SATL1: variants seen among roughly 807,000 people sequenced by gnomAD.
SATL1 encodes the protein spermidine/spermine N1-acetyl transferase like 1.
Under a neutral mutation model 51.8 loss-of-function variants are expected in SATL1, and 47 were observed. That is an observed-to-expected ratio of 0.91 (90% confidence interval 0.72 to 1.16). SATL1 has a LOEUF of 1.16. Ranked by LOEUF, SATL1 falls within the 50% of genes most tolerant of loss-of-function variation. The pLI, the probability that SATL1 is intolerant of heterozygous loss-of-function variation, is 0.00. For missense variants in SATL1, 520 were observed against 526.4 expected, an observed-to-expected ratio of 0.99 and a Z score of 0.12; for synonymous variants, 176 against 182.4, an observed-to-expected ratio of 0.97 and a Z score of 0.28.
intron 2 of SATL1, among the ~76,000 whole-genome samples, chrX:85,140,465 A>G (rs1926082453): frequency 8.9e-6 from 1 of 112,183 alleles, no homozygotes; most frequent in Non-Finnish European, 1.9e-5. Flanking sequence ...AGCAAGTGGC[A>G]GAATTAAGGT....
At chrX:85,224,607 G>A (rs920999244) in intron 1 of SATL1, among the ~76,000 whole-genome samples, 11 of 109,549 alleles carry the variant, frequency 1.0e-4, no homozygotes, top group African/African-American at 2.3e-4. Context: ...CTTTTTTACA[G>A]ACTCCATTGC....
chrX:85,149,782 A>G (rs1183894033), intron 2 of SATL1, among the ~76,000 whole-genome samples: 4 of 112,007 alleles, frequency 3.6e-5, no homozygotes, highest in Non-Finnish European at 7.5e-5. Flanking sequence ...CAAAGACACA[A>G]CATACCAGAA....
intron 2 of SATL1, among the ~76,000 whole-genome samples, chrX:85,201,537 T>A (rs998738153): frequency 1.8e-5 from 2 of 111,301 alleles, no homozygotes; most frequent in Non-Finnish European, 3.8e-5. Flanking sequence ...TCACGGGAGT[T>A]TGTTGTACAT....
At chrX:85,209,136 T>G (rs1927852791) in intron 2 of SATL1, 1 of 112,350 alleles carries the variant, frequency 8.9e-6, no homozygotes, top group Non-Finnish European at 1.9e-5. Flanking sequence ...GCAACATTTA[T>G]TAAAAAGGGA....
At chrX:85,158,993 T>G (rs1174549748) in intron 2 of SATL1, among the ~76,000 whole-genome samples, 1 of 111,699 alleles carries the variant, frequency 9.0e-6, no homozygotes, top group Non-Finnish European at 1.9e-5. Context: ...TTTACATACC[T>G]GAGAGTATTA....
At chrX:85,130,810 T>C (rs1925773788) in intron 2 of SATL1, among the ~76,000 whole-genome samples, 1 of 112,191 alleles carries the variant, frequency 8.9e-6, no homozygotes, top group African/African-American at 3.2e-5. Context: ...CTCTACACAC[T>C]GCTTTAAATG....
At chrX:85,206,582 G>C (rs1927796554) in intron 2 of SATL1, among the ~76,000 whole-genome samples, 3 of 111,589 alleles carry the variant, frequency 2.7e-5, no homozygotes, top group African/African-American at 9.7e-5. Flanking sequence ...TTTCAGCAAA[G>C]AGGTGGGAAC....
intron 1 of SATL1, among the ~76,000 whole-genome samples, chrX:85,240,503 A>G (rs1357873135): frequency 9.0e-6 from 1 of 111,691 alleles, no homozygotes; most frequent in Non-Finnish European, 1.9e-5. Flanking sequence ...TATTTCTTGC[A>G]AAAAGAACTT....
At chrX:85,170,628 G>C (rs139089240) in intron 2 of SATL1, among the ~76,000 whole-genome samples, 1 of 111,583 alleles carries the variant, frequency 9.0e-6, no homozygotes, top group Non-Finnish European at 1.9e-5. Context: ...TTCATGGCTT[G>C]AGAAAATCAG....
Position 85,146,967 on chromosome X carries a change from C to T in SATL1, c.-312-37687G>A, listed in dbSNP as rs751750934. On this transcript the variant is annotated intron_variant, in intron 2 of 7. Transcript: ENST00000644105. ...TCACTAGGGAGTACCAGACAGTGGG[C>T]GCAGGACAGTGGGTGCAGCGCACCG... Among the ~76,000 whole-genome samples, 12 of 112,319 alleles carry T rather than the reference C, an allele frequency of 1.1e-4. No individual in the cohort carries two copies. The South Asian group carries it at 1.1e-3, about 10-fold the overall frequency.
chrX:85,116,719 T>G (rs1306249898), intron 2 of SATL1, among the ~76,000 whole-genome samples: 1 of 110,868 alleles, frequency 9.0e-6, no homozygotes, highest in Non-Finnish European at 1.9e-5. Context: ...TCGCCTGACA[T>G]TCCTGGAGGG....
chrX:85,106,304 G>A (rs904380446), intron 3 of SATL1, among the ~76,000 whole-genome samples: 4 of 111,219 alleles, frequency 3.6e-5, no homozygotes, highest in Non-Finnish European at 7.5e-5. Flanking sequence ...AGCCATAAAA[G>A]GATAGGTAAC....
At chrX:85,163,047 T>C (rs1374439496) in intron 2 of SATL1, among the ~76,000 whole-genome samples, 1 of 109,778 alleles carries the variant, frequency 9.1e-6, no homozygotes, top group East Asian at 2.9e-4. Flanking sequence ...ATTTGGGTGA[T>C]ACTGGCTTCA....
chrX:85,117,777 G>C (rs762240763), intron 2 of SATL1, among the ~76,000 whole-genome samples: 2 of 111,395 alleles, frequency 1.8e-5, no homozygotes, highest in Non-Finnish European at 3.8e-5. Context: ...GTTCATTGTA[G>C]AAAATATCTA....
intron 2 of SATL1, among the ~76,000 whole-genome samples, chrX:85,183,967 G>A (rs182005550): frequency 1.2e-4 from 13 of 110,290 alleles, no homozygotes; most frequent in South Asian, 1.2e-3. Flanking sequence ...TCCAGTAACC[G>A]TCATTCTGCT....
At chrX:85,174,287 T>C (rs1356233287) in intron 2 of SATL1, among the ~76,000 whole-genome samples, 1 of 110,200 alleles carries the variant, frequency 9.1e-6, no homozygotes, top group Non-Finnish European at 1.9e-5. Context: ...CCTAAGCATA[T>C]ACTTAATAAT....
chrX:85,152,746 T>C (rs1037317727), intron 2 of SATL1, among the ~76,000 whole-genome samples: 1 of 110,308 alleles, frequency 9.1e-6, no homozygotes, highest in Non-Finnish European at 1.9e-5. Flanking sequence ...ATGTTCTCAC[T>C]CATAGGTGGG....
chrX:85,150,767 C>T (rs866215642), intron 2 of SATL1, among the ~76,000 whole-genome samples: 4 of 109,251 alleles, frequency 3.7e-5, no homozygotes, highest in African/African-American at 9.9e-5. Flanking sequence ...ATTCAACAAC[C>T]CTTCATGCTA....
chrX:85,204,183 TC>T (rs1984191956), intron 2 of SATL1, among the ~76,000 whole-genome samples: 1 of 111,595 alleles, frequency 9.0e-6, no homozygotes, highest in African/African-American at 3.3e-5. Flanking sequence ...ACTTACTGCT[TC>T]CCTCAGTGGG....
Sources: gnomAD v4.1 joint callset for allele counts (sites outside exome capture counted in the v4.1 genomes callset) on GRCh38, gnomAD v4.1.1 for gene constraint, MANE v1.5 for transcripts, NCBI Gene and HGNC (gene_info 2026-07-23, HGNC 2026-07-21) for gene names.